ZSCAN32: variants seen among roughly 807,000 people sequenced by gnomAD.
ZSCAN32 encodes zinc finger and SCAN domain containing 32.
In ZSCAN32, 52 loss-of-function variants were observed where a neutral mutation model predicts 47.4. The observed-to-expected ratio is 1.10, with a 90% confidence interval of 0.88 to 1.38. ZSCAN32 has a LOEUF of 1.38. Among genes scored for constraint, ZSCAN32 ranks in the 40% most tolerant of loss-of-function variants. ZSCAN32 has a pLI of 0.00. For synonymous variants in ZSCAN32, 346 were observed against 305.7 expected (o/e 1.13, Z -1.38); for missense variants, 959 against 846.0 (o/e 1.13, Z -1.66).
intron 1 of ZSCAN32, among the ~76,000 whole-genome samples, chr16:3,397,982 C>T (rs916798044): frequency 6.6e-6 from 1 of 152,326 alleles, no homozygotes; most frequent in South Asian, 2.1e-4. Flanking sequence ...CTTTTAACCT[C>T]CAAACTGCCG....
chr16:3,383,585 C>G lies in ZSCAN32; in HGVS notation c.1361G>C (p.Gly454Ala), dbSNP rs573126996. ...GVYWHSELQK[G>A]LESEPTSRRQ... ...TCTTGATGTTGGCTCACTCTCCAAGCCTTTTTGTAGCTCAGAGTGCCAATA... is the reference window on the plus strand; with the variant it reads ...TCTTGATGTTGGCTCACTCTCCAAGGCTTTTTGTAGCTCAGAGTGCCAATA... The change falls in exon 7 of 7, where the codon GGC becomes GCC. Residue 454 changes from glycine (G) to alanine (A), a missense_variant. Coordinates refer to ENST00000396852, the MANE Select transcript of ZSCAN32 (RefSeq NM_001284527.2). 6.2e-7 allele frequency: 1 copy of G among 1,613,998 alleles called. No homozygotes were observed.
In ZSCAN32 at chr16:3,390,464, C is replaced by A; in HGVS notation, c.586G>T (p.Asp196Tyr). ...CAGACCACAGCACCTGTCTCCTGGT[C>A]GTGGAGACCTGTGTTTTGAGGCAGG... ...RNLPQNTGLH[D>Y]QETGAVVWTA... Residue 196 changes from aspartate (D) to tyrosine (Y), a missense_variant, in exon 4 of 7, where the codon GAC (aspartate) becomes TAC (tyrosine). Coordinates refer to ENST00000396852, the MANE Select transcript of ZSCAN32 (RefSeq NM_001284527.2). 1 of 1,549,836 alleles carries A rather than the reference C, an allele frequency of 6.5e-7. No homozygotes were observed. Among genetic ancestry groups the A allele is most frequent in the South Asian group, 1.2e-5 (1 of 83,956 alleles).
Position 3,393,203 on chromosome 16 carries a change from T to TCTATATATATAA in ZSCAN32, c.532+445_532+446insTTATATATATAG, listed in dbSNP as rs1596218801. Among the ~76,000 whole-genome samples, 25 of 22,294 alleles carry TCTATATATATAA rather than the reference T, an allele frequency of 1.1e-3. 1 individual carries two copies. Among genetic ancestry groups the TCTATATATATAA allele is most frequent in the African/African-American group, 6.4e-3 (16 of 2,500 alleles). The allele number at this position is 22,294 out of a possible 152,430, so 14.6% of individuals were successfully genotyped here. A position where few individuals can be genotyped will look rare whatever the true frequency, so the allele number is the denominator to read the frequency against. The stretch of plus-strand genomic sequence containing the variant: ...ATATTTCTATATTTATATATATATT[T>TCTATATATATAA]ATATTTATATATATATATATATATA... On this transcript the variant is annotated intron_variant, in intron 3 of 6. Coordinates refer to ENST00000396852, the MANE Select transcript of ZSCAN32 (RefSeq NM_001284527.2).
At chr16:3,385,459 G>C (rs1236913969) in intron 5 of ZSCAN32, among the ~76,000 whole-genome samples, 1 of 152,082 alleles carries the variant, frequency 6.6e-6, no homozygotes, top group Non-Finnish European at 1.5e-5. Flanking sequence ...AGTTTATATG[G>C]AACCAAAAAA....
chr16:3,385,412 A>C (rs1051121840), intron 5 of ZSCAN32, among the ~76,000 whole-genome samples: 1 of 152,202 alleles, frequency 6.6e-6, no homozygotes, highest in African/African-American at 2.4e-5. Context: ...CAAGCTACCA[A>C]TGACTTTCTT....
At chr16:3,386,675 G>C (rs1304922187) in intron 5 of ZSCAN32, among the ~76,000 whole-genome samples, 1 of 152,106 alleles carries the variant, frequency 6.6e-6, no homozygotes, top group Non-Finnish European at 1.5e-5. Context: ...ATCATTCTCA[G>C]CAAACTATTG....
chr16:3,398,518 G>C (rs924510579), intron 1 of ZSCAN32, among the ~76,000 whole-genome samples: 8 of 152,158 alleles, frequency 5.3e-5, no homozygotes, highest in Non-Finnish European at 1.2e-4. Flanking sequence ...CTCTATTGCA[G>C]TTCCCCTGTC....
chr16:3,389,567 C>A (rs1321561546), intron 5 of ZSCAN32, among the ~76,000 whole-genome samples: 1 of 152,146 alleles, frequency 6.6e-6, no homozygotes, highest in African/African-American at 2.4e-5. Context: ...CTGGTTCCTC[C>A]CGGAAGGCCT....
chr16:3,394,026 G>C (rs2033128623), intron 2 of ZSCAN32, among the ~76,000 whole-genome samples: 1 of 152,172 alleles, frequency 6.6e-6, no homozygotes, highest in Non-Finnish European at 1.5e-5. Context: ...ACTTTGGGAG[G>C]CCGAGGCAGG....
chr16:3,398,178 CA>C (rs2033554951), intron 1 of ZSCAN32, among the ~76,000 whole-genome samples: 1 of 152,312 alleles, frequency 6.6e-6, no homozygotes, highest in South Asian at 2.1e-4. Context: ...ATCCAGAGGT[CA>C]CAAGATTTGC....
rs563490416 is a variant in ZSCAN32, at chr16:3,394,660, G to A, written c.367-846C>T. On this transcript the variant is annotated intron_variant, in intron 2 of 6. Transcript: ENST00000396852. Reference sequence around the variant, plus strand: ...CAGCACTCTTCAGTGGCTTCCCACTGCACACAGAATAAAATCCAGACTCCT... The same window carrying A: ...CAGCACTCTTCAGTGGCTTCCCACTACACACAGAATAAAATCCAGACTCCT... 2.9e-4 allele frequency among the ~76,000 whole-genome samples: 44 copies of A among 152,236 alleles called. No individual in the cohort carries two copies. The South Asian group carries it at 4.8e-3, about 17-fold the overall frequency.
intron 2 of ZSCAN32, among the ~76,000 whole-genome samples, chr16:3,394,783 CCTT>C (rs1400751760): frequency 1.3e-5 from 2 of 152,132 alleles, no homozygotes; most frequent in Non-Finnish European, 2.9e-5. Flanking sequence ...ACAAGCCCTC[CCTT>C]CTTCCTCTCA....
Position 3,390,522 on chromosome 16 carries a change from G to A in ZSCAN32, c.533-5C>T, listed in dbSNP as rs575821279. ...GAGCCTGAGGAGCAAGCCAGGCTGG[G>A]GGAAAAAACAGCCGCTATTAGAGGG... is the stretch of plus-strand genomic sequence containing the variant. On this transcript the variant is annotated splice_region_variant and splice_polypyrimidine_tract_variant and intron_variant, in intron 3 of 6. Coordinates refer to ENST00000396852, the MANE Select transcript of ZSCAN32 (RefSeq NM_001284527.2). 6.5e-5 allele frequency: 100 copies of A among 1,547,784 alleles called. No homozygotes were observed. In the African/African-American group the frequency reaches 1.3e-3, roughly 19 times the overall value.
chr16:3,397,526 T>A lies in ZSCAN32; in HGVS notation c.32A>T (p.His11Leu), dbSNP rs763381605. The A allele has an allele frequency of 1.9e-5, 30 of 1,549,214 alleles. No individual in the cohort carries two copies. The South Asian group carries it at 3.5e-4, about 18-fold the overall frequency. Residue 11 changes from histidine to leucine, a missense_variant, in exon 2 of 7, where the codon CAC (histidine) becomes CTC (leucine). His to Leu is a moderately conservative substitution (Grantham distance 99). Coordinates refer to ENST00000396852, the MANE Select transcript of ZSCAN32 (RefSeq NM_001284527.2). MMAAVKSTEA[H>L]PSSNKDPTQG... ...TGTGGGATCCTTGTTTGAGGATGGG[T>A]GTGCCTCGGTACTCTTCACTGCAGC...
intron 5 of ZSCAN32, among the ~76,000 whole-genome samples, chr16:3,386,283 A>C (rs951021910): frequency 6.6e-6 from 1 of 152,356 alleles, no homozygotes; most frequent in East Asian, 1.9e-4. Flanking sequence ...TTAAAAAGTC[A>C]GGAAACAACA....
chr16:3,392,691 G>A (rs1288219401), intron 3 of ZSCAN32, among the ~76,000 whole-genome samples: 1 of 152,000 alleles, frequency 6.6e-6, no homozygotes, highest in Non-Finnish European at 1.5e-5. Context: ...GCCGGGCATG[G>A]TGGCGGGTGC....
rs1030332575 is a variant in ZSCAN32, at chr16:3,400,934, G to A, written c.-188+11C>T. 2.6e-5 allele frequency: 4 copies of A among 152,448 alleles called. No homozygotes were observed. The highest frequency in any genetic ancestry group is 5.9e-5 in the Non-Finnish European group (4 of 68,160). 9.4% of individuals were successfully genotyped at this position (152,448 alleles called of 1,614,324 possible). Reference sequence around the variant, plus strand: ...CTAATCCCGCCGGCCGCAAGGAAGCGGAGAACTCACCGGACACCAGCACTC... The same window carrying A: ...CTAATCCCGCCGGCCGCAAGGAAGCAGAGAACTCACCGGACACCAGCACTC... On this transcript the variant is annotated intron_variant, in intron 1 of 6. Coordinates refer to ENST00000396852, the MANE Select transcript of ZSCAN32 (RefSeq NM_001284527.2).
chr16:3,397,043 T>C lies in ZSCAN32; in HGVS notation c.366+149A>G, dbSNP rs1596235503. 2.5e-5 allele frequency: 21 copies of C among 839,788 alleles called. No homozygotes were observed. In the East Asian group the frequency reaches 6.0e-4, roughly 24 times the overall value. 52.0% of individuals were successfully genotyped at this position (839,788 alleles called of 1,614,324 possible). A position where few individuals can be genotyped will look rare whatever the true frequency, so the allele number is the denominator to read the frequency against. On this transcript the variant is annotated intron_variant, in intron 2 of 6. Coordinates refer to ENST00000396852, the MANE Select transcript of ZSCAN32 (RefSeq NM_001284527.2). ...CAGATGAGAAATTCTTCCCGTATTA[T>C]AAGGGCATAGGACCAATCCAAGACA...
Position 3,384,651 on chromosome 16 carries a change from T to C in ZSCAN32, c.1042A>G (p.Met348Val). The C allele has an allele frequency of 1.2e-6, 2 of 1,614,172 alleles. No homozygotes were observed. The highest frequency in any genetic ancestry group is 1.6e-4 in the Middle Eastern group (1 of 6,062). The change falls in exon 6 of 7, where the codon ATG becomes GTG. Residue 348 changes from methionine to valine, a missense_variant. Transcript: ENST00000396852. ...TGGCCAGGAACAGCATCGCTTGCCATAGGAGGTGCAGAGGCCCAGGAGCCT... is the reference window on the plus strand; with the variant it reads ...TGGCCAGGAACAGCATCGCTTGCCACAGGAGGTGCAGAGGCCCAGGAGCCT... ...LSGSWASAPPMASDAVPGQEG... is the reference protein window; with the variant it reads ...LSGSWASAPPVASDAVPGQEG...
Sources: gnomAD v4.1 joint callset for allele counts (sites outside exome capture counted in the v4.1 genomes callset) on GRCh38, gnomAD v4.1.1 for gene constraint, MANE v1.5 for transcripts, NCBI Gene and HGNC (gene_info 2026-07-23, HGNC 2026-07-21) for gene names.